PUDP: variants seen among roughly 807,000 people sequenced by gnomAD.
The protein encoded by PUDP is pseudouridine 5'-phosphatase, also known as pseudouridine-5'-phosphatase.
In PUDP, 8 loss-of-function variants were observed where a neutral mutation model predicts 9.4. The observed-to-expected ratio is 0.85, with a 90% CI of 0.50 to 1.53. The LOEUF is 1.53. Among genes scored for constraint, PUDP ranks in the 40% most tolerant of loss-of-function variants. The pLI, the probability that PUDP is intolerant of heterozygous loss-of-function variation, is 0.00. For missense variants in PUDP, 188 were observed against 189.7 expected, an observed-to-expected ratio of 0.99 and a Z score of 0.05; for synonymous variants, 99 against 80.7, an observed-to-expected ratio of 1.23 and a Z score of -1.22.
chrX:6,941,123 G>A (rs894449945), intron 3 of PUDP, among the ~76,000 whole-genome samples: 1 of 110,412 alleles, frequency 9.1e-6, no homozygotes, highest in Non-Finnish European at 1.9e-5. Context: ...TATTCCTTCT[G>A]CAATCCACTT....
chrX:6,723,141 C>T (rs1437942998), upstream of PUDP, among the ~76,000 whole-genome samples: 1 of 109,852 alleles, frequency 9.1e-6, no homozygotes, highest in East Asian at 2.8e-4. Flanking sequence ...AATGTCAGGG[C>T]ATATGTACAA....
intron 3 of PUDP, among the ~76,000 whole-genome samples, chrX:6,771,187 T>A (rs1235831138): frequency 3.6e-5 from 4 of 111,895 alleles, no homozygotes; most frequent in South Asian, 7.6e-4. Context: ...CACAGAGAGA[T>A]GACCCCATGG....
chrX:7,070,369 C>T (rs1008317991), intron 3 of PUDP, among the ~76,000 whole-genome samples: 2 of 111,168 alleles, frequency 1.8e-5, no homozygotes, highest in Admixed American at 1.9e-4. Flanking sequence ...GAGGAGGTGG[C>T]CTTGAGGCTG....
intron 2 of PUDP, among the ~76,000 whole-genome samples, chrX:7,080,643 C>G (rs1250106337): frequency 1.8e-5 from 2 of 112,332 alleles, no homozygotes; most frequent in Non-Finnish European, 3.8e-5. Context: ...TAAAATGCCA[C>G]ACTATTTCAT....
At chrX:6,914,795 G>T (rs1304181636) in intron 3 of PUDP, among the ~76,000 whole-genome samples, 5 of 112,431 alleles carry the variant, frequency 4.4e-5, no homozygotes, top group African/African-American at 1.6e-4. Flanking sequence ...CAGTGATAAG[G>T]TACTAAATGA....
chrX:6,916,982 A>C, intron 3 of PUDP, among the ~76,000 whole-genome samples: 1 of 111,966 alleles, frequency 8.9e-6, no homozygotes, highest in Non-Finnish European at 1.9e-5. Context: ...CTATGCAGGG[A>C]AAAAAAAGAA....
intron 1 of PUDP, among the ~76,000 whole-genome samples, chrX:7,008,679 C>T (rs776037728): frequency 5.3e-4 from 59 of 111,917 alleles, no homozygotes; most frequent in Non-Finnish European, 1.0e-3. Flanking sequence ...TTACCATAAC[C>T]CATGCTTTAA....
intron 3 of PUDP, among the ~76,000 whole-genome samples, chrX:6,726,752 C>A (rs185052842): frequency 3.9e-4 from 43 of 111,133 alleles, no homozygotes; most frequent in African/African-American, 1.3e-3. Context: ...ACTCAGGAAG[C>A]CTTCCTGGAA....
At chrX:7,003,622 G>T (rs750717871) in intron 1 of PUDP, among the ~76,000 whole-genome samples, 27 of 111,678 alleles carry the variant, frequency 2.4e-4, no homozygotes, top group African/African-American at 8.8e-4. Context: ...GCTGCTTTTA[G>T]ACTTTTGAAA....
intron 3 of PUDP, among the ~76,000 whole-genome samples, chrX:6,916,242 A>ACC (rs1229315298): frequency 1.4e-5 from 1 of 72,670 alleles, no homozygotes; most frequent in African/African-American, 6.6e-5. Flanking sequence ...ACACACACAC[A>ACC]CACACACCCT....
intron 3 of PUDP, among the ~76,000 whole-genome samples, chrX:6,761,681 T>C (rs993086049): frequency 5.4e-5 from 6 of 111,846 alleles, no homozygotes; most frequent in African/African-American, 1.9e-4. Context: ...AAGAACAGGA[T>C]TGAGATGCTG....
intron 1 of PUDP, among the ~76,000 whole-genome samples, chrX:7,118,014 C>G (rs779678502): frequency 8.8e-6 from 1 of 113,112 alleles, no homozygotes; most frequent in Non-Finnish European, 1.9e-5. Context: ...CATTTAAACC[C>G]ATTTTCTTAC....
chrX:7,057,518 T>C, intron 3 of PUDP: 1 of 612,633 alleles, frequency 1.6e-6, no homozygotes, highest in Non-Finnish European at 2.4e-6. Flanking sequence ...AACTGGATGA[T>C]ACCTGGGATG....
chrX:7,104,333 T>C (rs1444200383), intron 2 of PUDP, among the ~76,000 whole-genome samples: 2 of 111,635 alleles, frequency 1.8e-5, no homozygotes, highest in African/African-American at 6.5e-5. Context: ...TTCTCCTTAT[T>C]TGAGGTATGG....
chrX:6,886,240 T>A (rs1776656473), intron 3 of PUDP, among the ~76,000 whole-genome samples: 1 of 112,366 alleles, frequency 8.9e-6, no homozygotes, highest in South Asian at 3.7e-4. Context: ...TAAAATGGGT[T>A]TATCCATAAA....
At chrX:7,088,554 T>C (rs1386232098) in intron 2 of PUDP, among the ~76,000 whole-genome samples, 1 of 112,157 alleles carries the variant, frequency 8.9e-6, no homozygotes, top group Non-Finnish European at 1.9e-5. Context: ...AAAATTTCCC[T>C]CTCACTATAG....
chrX:6,933,188 T>TGACCCCG (rs1243839975), intron 3 of PUDP, among the ~76,000 whole-genome samples: 1 of 106,888 alleles, frequency 9.4e-6, no homozygotes, highest in Non-Finnish European at 1.9e-5. Context: ...CCCTGACCCC[T>TGACCCCG]GACCCCTGAC....
intron 1 of PUDP, among the ~76,000 whole-genome samples, chrX:6,984,475 AC>A (rs1929078880): frequency 8.9e-6 from 1 of 111,935 alleles, no homozygotes; most frequent in Admixed American, 9.5e-5. Flanking sequence ...TAAGTGCTAT[AC>A]AAAAAAATTA....
chrX:6,951,319 C>T (rs1928556780), intron 3 of PUDP, among the ~76,000 whole-genome samples: 1 of 110,142 alleles, frequency 9.1e-6, no homozygotes, highest in African/African-American at 3.3e-5. Flanking sequence ...TTATATCTAC[C>T]CATCCATCAT....
Sources: gnomAD v4.1 joint callset for allele counts (sites outside exome capture counted in the v4.1 genomes callset) on GRCh38, gnomAD v4.1.1 for gene constraint, MANE v1.5 for transcripts, NCBI Gene and HGNC (gene_info 2026-07-23, HGNC 2026-07-21) for gene names.